The following SYNE2 variants were observed in gnomAD, a reference collection of about 807,000 sequenced individuals.
SYNE2 encodes the protein spectrin repeat containing nuclear envelope protein 2.
A neutral mutation model predicts 856.3 loss-of-function variants in SYNE2; 431 were observed. The observed-to-expected ratio is 0.50, with a 90% CI of 0.47 to 0.55. The LOEUF (loss-of-function observed/expected upper bound fraction) is 0.55. SYNE2 is among the 20% of genes least tolerant of loss of function. The pLI is 0.00. For missense variants in SYNE2, 8,129 were observed against 8,023.2 expected, an observed-to-expected ratio of 1.01 and a Z score of -0.50; for synonymous variants, 2,923 against 2,872.3, an observed-to-expected ratio of 1.02 and a Z score of -0.56.
chr14:63,866,380 T>C (rs1895324485), intron 1 of SYNE2, among the ~76,000 whole-genome samples: 1 of 152,178 alleles, frequency 6.6e-6, no homozygotes, highest in Non-Finnish European at 1.5e-5. Context: ...ACACTTATTT[T>C]GGCCAGGCAT....
At chr14:64,148,769 A>C (rs772463820) in intron 84 of SYNE2, among the ~76,000 whole-genome samples, 1 of 152,058 alleles carries the variant, frequency 6.6e-6, no homozygotes, top group Non-Finnish European at 1.5e-5. Flanking sequence ...CTAGCACCCC[A>C]TGTAGCATCA....
chr14:64,183,165 GACT>G (rs1217936311), intron 96 of SYNE2, among the ~76,000 whole-genome samples: 1 of 148,726 alleles, frequency 6.7e-6, no homozygotes, highest in East Asian at 2.0e-4. Flanking sequence ...CGGACGGGGC[GACT>G]GCCGGGCAGA....
chr14:64,158,786 G>C lies in SYNE2; in HGVS notation c.15954G>C (p.Glu5318Asp), dbSNP rs1223823395. The change falls in exon 86 of 116, where the codon GAG becomes GAC. Residue 5318 changes from glutamate to aspartate, a missense_variant. Glu to Asp is a conservative substitution (Grantham distance 45). Transcript: ENST00000555002. Reference sequence around the variant, plus strand: ...TGGAGACCTTGAGATGCCAGGTGGAGAACCTTCAGGTAAATTAACCAGAGC... The same window carrying C: ...TGGAGACCTTGAGATGCCAGGTGGACAACCTTCAGGTAAATTAACCAGAGC... ...LSLETLRCQVENLQSLQDEAE... is the reference protein window; with the variant it reads ...LSLETLRCQVDNLQSLQDEAE... 1.1e-5 allele frequency: 18 copies of C among 1,613,808 alleles called. No individual in the cohort carries two copies. Among genetic ancestry groups the C allele is most frequent in the Non-Finnish European group, 1.4e-5 (17 of 1,179,814 alleles).
At chr14:63,766,225 C>G (rs1886680204) in intron 1 of SYNE2, among the ~76,000 whole-genome samples, 1 of 151,810 alleles carries the variant, frequency 6.6e-6, no homozygotes, top group African/African-American at 2.4e-5. Flanking sequence ...ATTACAGGTT[C>G]CTGCTATCAC....
At chr14:63,884,177 C>T (rs2094929105) in intron 1 of SYNE2, among the ~76,000 whole-genome samples, 2 of 152,126 alleles carry the variant, frequency 1.3e-5, no homozygotes, top group African/African-American at 4.8e-5. Context: ...TGTGGTAGAC[C>T]ACAGTGGAGA....
At chr14:64,218,326 G>A in intron 108 of SYNE2, 72 bp from the exon 109 acceptor site, 1 of 1,374,256 alleles carries the variant, frequency 7.3e-7, no homozygotes, top group Non-Finnish European at 1.0e-6. Context: ...CTGTTAATAT[G>A]AAATGAATCC....
At chr14:63,950,232 A>T (rs1052716180) in intron 7 of SYNE2, among the ~76,000 whole-genome samples, 5 of 152,192 alleles carry the variant, frequency 3.3e-5, no homozygotes, top group African/African-American at 7.2e-5. Flanking sequence ...TGCTGTGTTT[A>T]GGTGGCATAT....
At chr14:64,122,510 T>C (rs1173587029) in intron 70 of SYNE2, 83 bp downstream of exon 70, 4 of 1,585,934 alleles carry the variant, frequency 2.5e-6, no homozygotes, top group Non-Finnish European at 3.5e-6. Context: ...ATGTATATTC[T>C]CCAGAAAGCA....
intron 1 of SYNE2, among the ~76,000 whole-genome samples, chr14:63,895,415 C>A (rs2095231263): frequency 6.6e-6 from 1 of 151,358 alleles, no homozygotes; most frequent in South Asian, 2.1e-4. Context: ...GGCCAAATTT[C>A]CATTTTCTAC....
Position 64,120,910 on chromosome 14 carries a change from T to C in SYNE2, c.13024-17T>C, listed in dbSNP as rs142206321. 9.9e-6 allele frequency: 16 copies of C among 1,613,918 alleles called. No individual in the cohort carries two copies. In the African/African-American group the frequency reaches 1.6e-4, roughly 16 times the overall value. On this transcript the variant is annotated splice_polypyrimidine_tract_variant and intron_variant, in intron 67 of 115. Transcript: ENST00000555002. ...TTTTTAAAAATAAATAGCCTGCCAT[T>C]ATGAAATGTTTTGCAGCATCCTACC...
chr14:63,820,530 A>C (rs551855078), intron 1 of SYNE2, among the ~76,000 whole-genome samples: 38 of 152,304 alleles, frequency 2.5e-4, no homozygotes, highest in Admixed American at 5.2e-4. Context: ...TCATAAAGAA[A>C]ATTTTAAAAA....
chr14:64,106,034 A>G lies in SYNE2; in HGVS notation c.12493-1457A>G, dbSNP rs374569698. ...CCACTGCACCACAGCCTGGTGACAG[A>G]GTGAGGCCCTGTCTCAAAAAAAAAA... is the stretch of plus-strand genomic sequence containing the variant. On this transcript the variant is annotated intron_variant, in intron 64 of 115. Transcript: ENST00000555002. Among the ~76,000 whole-genome samples the G allele has an allele frequency of 1.8e-4, 27 of 149,752 alleles. 1 individual carries two copies. Among genetic ancestry groups the G allele is most frequent in the Middle Eastern group, 3.4e-3 (1 of 290 alleles).
rs143873456 is a variant in SYNE2, at chr14:64,004,519, G to A, written c.4397+1189G>A. On this transcript the variant is annotated intron_variant, in intron 30 of 115. Transcript: ENST00000555002. ...TAATTTTTGTATTTCTAGTAGAGAC[G>A]GGGTTTCACCATGTTGACCAGGCTG... Among the ~76,000 whole-genome samples, 272 of 152,032 alleles carry A rather than the reference G, an allele frequency of 1.8e-3. 3 individuals are homozygous for A. The highest frequency in any genetic ancestry group is 6.3e-3 in the African/African-American group (263 of 41,472).
At position 64,052,615 on chromosome 14, in the gene SYNE2, T is replaced by G; in HGVS notation, c.8702T>G (p.Ile2901Ser). ...ISTHLQELTN[I>S]YEELNVFERL... ...ACACATCTTCAGGAGCTAACAAACATCTATGAGGAGCTGAATGTGTTTGAA... is the reference window on the plus strand; with the variant it reads ...ACACATCTTCAGGAGCTAACAAACAGCTATGAGGAGCTGAATGTGTTTGAA... Residue 2901 changes from isoleucine to serine, a missense_variant, in exon 48 of 116, where the codon ATC becomes AGC. Physicochemically the swap from Ile to Ser is moderately radical, Grantham distance 142 (BLOSUM62 -2). Transcript: ENST00000555002. 1 of 1,614,062 alleles carries G rather than the reference T, an allele frequency of 6.2e-7. No homozygotes were observed. The highest frequency in any genetic ancestry group is 8.5e-7 in the Non-Finnish European group (1 of 1,180,012).
At chr14:64,103,569 T>C (rs1212768088) in intron 64 of SYNE2, among the ~76,000 whole-genome samples, 2 of 152,124 alleles carry the variant, frequency 1.3e-5, no homozygotes, top group African/African-American at 4.8e-5. Context: ...CTGCCTCCTG[T>C]CCAGGGCTGA....
chr14:64,147,157 G>A (rs898599771), intron 84 of SYNE2, among the ~76,000 whole-genome samples: 2 of 152,066 alleles, frequency 1.3e-5, no homozygotes, highest in Non-Finnish European at 2.9e-5. Context: ...GTTTTCATGC[G>A]TGTCGCTACA....
intron 83 of SYNE2, among the ~76,000 whole-genome samples, chr14:64,144,473 A>T (rs1013954403): frequency 6.6e-6 from 1 of 152,356 alleles, no homozygotes; most frequent in East Asian, 1.9e-4. Flanking sequence ...TTACACAATT[A>T]AGATACAAGT....
At position 64,219,260 on chromosome 14, in the gene SYNE2, C is replaced by G; in HGVS notation, c.19710C>G (p.Leu6570=). Residue 6570 remains leucine (L), a synonymous_variant, in exon 110 of 116, where the codon CTC becomes CTG. Transcript: ENST00000555002. ...AAGCACAGGAGCTTCACAATAAGCT[C>G]AAAATAAAACAAAATTTGCAACAGC... ...MIQAQELHNK[L]KIKQNLQQLN... The G allele has an allele frequency of 1.2e-6, 2 of 1,613,708 alleles. No individual in the cohort carries two copies. The highest frequency in any genetic ancestry group is 1.1e-5 in the South Asian group (1 of 91,046).
At chr14:64,106,445 C>A (rs774765955) in intron 64 of SYNE2, among the ~76,000 whole-genome samples, 8 of 152,166 alleles carry the variant, frequency 5.3e-5, no homozygotes, top group Non-Finnish European at 1.0e-4. Context: ...GTCAGGAGAT[C>A]AAGATCATCC....
Sources: allele counts gnomAD v4.1 joint callset (sites outside exome capture counted in the v4.1 genomes callset), GRCh38; gene constraint gnomAD v4.1.1; transcripts MANE v1.5; gene names NCBI Gene and HGNC (gene_info 2026-07-23, HGNC 2026-07-21).